Variants in KCNQ1 observed in about 807,000 individuals in gnomAD.
KCNQ1 encodes potassium voltage-gated channel subfamily Q member 1.
KCNQ1 carries 49 observed loss-of-function variants against 72.4 expected under a neutral mutation model. The observed-to-expected ratio is 0.68, with a 90% CI of 0.54 to 0.86. The LOEUF is 0.86. Ranked by LOEUF, KCNQ1 falls within the 40% of genes least tolerant of loss-of-function variation. The pLI, the probability that KCNQ1 is intolerant of heterozygous loss-of-function variation, is 0.00. For missense variants in KCNQ1, 790 were observed against 945.1 expected (o/e 0.84, Z 2.15); for synonymous variants, 450 against 412.6 (o/e 1.09, Z -1.10).
rs1038289772 is a variant in KCNQ1, at chr11:2,563,208, A to C, written c.478-7420A>C. ...CCCCAGAAAATCTTCGCTATGTTGGAGATTCGCCGGCTGATAAAAGCAAAA... is the reference window on the plus strand; with the variant it reads ...CCCCAGAAAATCTTCGCTATGTTGGCGATTCGCCGGCTGATAAAAGCAAAA... On this transcript the variant is annotated intron_variant, in intron 2 of 15. Transcript: ENST00000155840. The surrounding 1 kb of genome is among the most constrained non-coding windows in gnomAD (Gnocchi z 7.4). Among the ~76,000 whole-genome samples, 14 of 152,158 alleles carry C rather than the reference A, an allele frequency of 9.2e-5. No homozygotes were observed. The highest frequency in any genetic ancestry group is 3.4e-4 in the African/African-American group (14 of 41,432).
Position 2,597,451 on chromosome 11 carries a change from C to T in KCNQ1, c.1393+8597C>T, listed in dbSNP as rs141798083. Among the ~76,000 whole-genome samples the T allele has an allele frequency of 9.2e-5, 14 of 152,194 alleles. No homozygotes were observed. The East Asian group carries it at 2.5e-3, about 27-fold the overall frequency. ...CATACCCATCAGTGGAGGTCTGCTT[C>T]AAGTATCATATCTCCGTTAAACAGC... On this transcript the variant is annotated intron_variant, in intron 10 of 15. Coordinates refer to ENST00000155840, the MANE Select transcript of KCNQ1 (RefSeq NM_000218.3).
rs1476394699 is a variant in KCNQ1, at chr11:2,543,148, A to G, written c.477+15130A>G. On this transcript the variant is annotated intron_variant, in intron 2 of 15. Coordinates refer to ENST00000155840, the MANE Select transcript of KCNQ1 (RefSeq NM_000218.3). This position sits in a 1 kb window ranked among gnomAD's most constrained non-coding sequence, Gnocchi z 5.6. ...GGTGACATATCTTTTTAAATGTTTC[A>G]CCCATTGTAAAATTGGGCTGTTTGT... is the stretch of plus-strand genomic sequence containing the variant. Among the ~76,000 whole-genome samples, 1 of 152,104 alleles carries G rather than the reference A, an allele frequency of 6.6e-6. No individual in the cohort carries two copies. The highest frequency in any genetic ancestry group is 1.5e-5 in the Non-Finnish European group (1 of 68,012).
chr11:2,464,027 T>C lies in KCNQ1; in HGVS notation c.386+18543T>C, dbSNP rs368585268. Among the ~76,000 whole-genome samples, 7 of 152,250 alleles carry C rather than the reference T, an allele frequency of 4.6e-5. No individual in the cohort carries two copies. The highest frequency in any genetic ancestry group is 1.7e-4 in the African/African-American group (7 of 41,550). ...GCCCTGACTCTGCAGAGCAGGACTG[T>C]GGAAAATGGACACTGATGCTGCCCG... On this transcript the variant is annotated intron_variant, in intron 1 of 15. Coordinates refer to ENST00000155840, the MANE Select transcript of KCNQ1 (RefSeq NM_000218.3). The surrounding 1 kb of genome is among the most constrained non-coding windows in gnomAD (Gnocchi z 5.0).
rs1392715429 is a variant in KCNQ1 at position 2,543,861 on chromosome 11, T to G, written c.477+15843T>G. Among the ~76,000 whole-genome samples the G allele has an allele frequency of 6.6e-6, 1 of 152,230 alleles. No individual in the cohort carries two copies. Among genetic ancestry groups the G allele is most frequent in the Non-Finnish European group, 1.5e-5 (1 of 68,044 alleles). On this transcript the variant is annotated intron_variant, in intron 2 of 15. Transcript: ENST00000155840. This position sits in a 1 kb window ranked among gnomAD's most constrained non-coding sequence, Gnocchi z 5.6. ...GTGTCATTTGTTGAAAAGAGTATCC[T>G]TTACCCAGTGAATCATCTTGACTCC...
chr11:2,691,864 C>T lies in KCNQ1; in HGVS notation c.1514+29783C>T. ...ATGACCCCTAGGTCCTCTTTTCCATCCCTCCAGTTCTCCTGGCTTTCTTGC... is the reference window on the plus strand; with the variant it reads ...ATGACCCCTAGGTCCTCTTTTCCATTCCTCCAGTTCTCCTGGCTTTCTTGC... On this transcript the variant is annotated intron_variant, in intron 11 of 15. Transcript: ENST00000155840. This position sits in a 1 kb window ranked among gnomAD's most constrained non-coding sequence, Gnocchi z 6.4. 1 of 398,734 alleles carries T rather than the reference C, an allele frequency of 2.5e-6. No homozygotes were observed. Among genetic ancestry groups the T allele is most frequent in the East Asian group, 3.6e-5 (1 of 28,084 alleles). 24.7% of individuals were successfully genotyped at this position (398,734 alleles called of 1,614,324 possible).
In KCNQ1 at chr11:2,712,614, G is replaced by T. The variant is rs1302643346; in HGVS notation, c.1514+50533G>T. 6.6e-6 allele frequency among the ~76,000 whole-genome samples: 1 copy of T among 152,170 alleles called. No individual in the cohort carries two copies. ...CTTAGGTGGTTTGAGGAGACTTAGG[G>T]GCTTCCATATTCCCCTTGGAACATG... is the stretch of plus-strand genomic sequence containing the variant. On this transcript the variant is annotated intron_variant, in intron 11 of 15. Transcript: ENST00000155840. This position sits in a 1 kb window ranked among gnomAD's most constrained non-coding sequence, Gnocchi z 6.4.
rs924927526 is a variant in KCNQ1 at position 2,492,737 on chromosome 11, T to C, written c.387-35191T>C. On this transcript the variant is annotated intron_variant, in intron 1 of 15. Coordinates refer to ENST00000155840, the MANE Select transcript of KCNQ1 (RefSeq NM_000218.3). This position sits in a 1 kb window ranked among gnomAD's most constrained non-coding sequence, Gnocchi z 4.1. Reference sequence around the variant, plus strand: ...CATGGTGTATATGTGCCACATTTTCTTTATCCAGCCTATCATTGATGGGCA... The same window carrying C: ...CATGGTGTATATGTGCCACATTTTCCTTATCCAGCCTATCATTGATGGGCA... Among the ~76,000 whole-genome samples, 2 of 152,222 alleles carry C rather than the reference T, an allele frequency of 1.3e-5. No individual in the cohort carries two copies. Among genetic ancestry groups the C allele is most frequent in the Non-Finnish European group, 2.9e-5 (2 of 68,042 alleles).
intron 10 of KCNQ1, chr11:2,609,813 C>T (rs527494912): frequency 7.5e-6 from 3 of 397,906 alleles, no homozygotes; most frequent in Non-Finnish European, 1.3e-5. Flanking sequence ...TTAAAATCTC[C>T]TTTGACTTTA....
At chr11:2,694,159 G>T (rs1423858708) in intron 11 of KCNQ1, 1 of 398,572 alleles carries the variant, frequency 2.5e-6, no homozygotes, top group Non-Finnish European at 4.4e-6. Flanking sequence ...CAGGGAAGAG[G>T]GTACTCTGAT....
intron 11 of KCNQ1, among the ~76,000 whole-genome samples, chr11:2,717,130 A>G (rs771742280): frequency 1.3e-5 from 2 of 152,138 alleles, no homozygotes; most frequent in Admixed American, 1.3e-4. Flanking sequence ...AGACAACCCA[A>G]GTCTTCCTTC....
chr11:2,445,589 G>C, intron 1 of KCNQ1, 105 bp downstream of exon 1: 2 of 1,311,790 alleles, frequency 1.5e-6, no homozygotes, highest in Non-Finnish European at 2.1e-6. Context: ...TGCGACCCCG[G>C]AGCAGAGGAG....
intron 15 of KCNQ1, among the ~76,000 whole-genome samples, chr11:2,847,450 GCC>G (rs1298840813): frequency 6.6e-6 from 1 of 152,238 alleles, no homozygotes; most frequent in Non-Finnish European, 1.5e-5. Context: ...CAGAAGGCCG[GCC>G]AGCCTGGGGA....
chr11:2,571,876 T>C (rs773654671), intron 4 of KCNQ1, 137 bp from the exon 5 acceptor site: 9 of 716,574 alleles, frequency 1.3e-5, no homozygotes, highest in Admixed American at 2.1e-5. Context: ...GATGGACATA[T>C]ACCCAGCCTC....
intron 1 of KCNQ1, among the ~76,000 whole-genome samples, chr11:2,511,590 C>G (rs2133616382): frequency 6.6e-6 from 1 of 152,350 alleles, no homozygotes; most frequent in African/African-American, 2.4e-5. Context: ...CCTGCCAGAG[C>G]TGGGCTCCTG....
intron 7 of KCNQ1, among the ~76,000 whole-genome samples, chr11:2,584,391 G>A (rs1002554488): frequency 2.6e-5 from 4 of 151,128 alleles, no homozygotes; most frequent in Admixed American, 1.3e-4. Context: ...GTGTGTTAGT[G>A]TGTGGGTTTG....
chr11:2,460,173 C>T (rs1846253939), intron 1 of KCNQ1, among the ~76,000 whole-genome samples: 1 of 152,196 alleles, frequency 6.6e-6, no homozygotes, highest in African/African-American at 2.4e-5. Flanking sequence ...CCCTACCAGC[C>T]TGTGGCCCAG....
intron 1 of KCNQ1, among the ~76,000 whole-genome samples, chr11:2,448,320 C>G (rs1846074660): frequency 2.6e-5 from 4 of 152,234 alleles, no homozygotes; most frequent in Admixed American, 1.3e-4. Context: ...GTTCCCCGCT[C>G]CTACAGCCTT....
intron 12 of KCNQ1, among the ~76,000 whole-genome samples, chr11:2,770,753 C>T (rs1182492560): frequency 1.3e-5 from 2 of 152,248 alleles, no homozygotes; most frequent in Admixed American, 1.3e-4. Flanking sequence ...AGGGTGTCTC[C>T]ATTCTGGGAC....
rs1422872030 is a variant in KCNQ1 at position 2,617,804 on chromosome 11, A to G, written c.1393+28950A>G. Reference sequence around the variant, plus strand: ...GATTAGTGATGTTAAATGTCTTTTCATATATGTGTTTGCCATTTTTATAAC... The same window carrying G: ...GATTAGTGATGTTAAATGTCTTTTCGTATATGTGTTTGCCATTTTTATAAC... On this transcript the variant is annotated intron_variant, in intron 10 of 15. Coordinates refer to ENST00000155840, the MANE Select transcript of KCNQ1 (RefSeq NM_000218.3). This position sits in a 1 kb window ranked among gnomAD's most constrained non-coding sequence, Gnocchi z 4.6. 2.5e-6 allele frequency: 1 copy of G among 398,376 alleles called. No homozygotes were observed. The highest frequency in any genetic ancestry group is 2.1e-5 in the African/African-American group (1 of 48,602). The allele number at this position is 398,376 out of a possible 1,614,324, so 24.7% of individuals were successfully genotyped here.
Sources: gnomAD v4.1 joint callset for allele counts (sites outside exome capture counted in the v4.1 genomes callset) on GRCh38, gnomAD v4.1.1 for gene constraint, Gnocchi (gnomAD v3.1) non-coding constraint, MANE v1.5 for transcripts, NCBI Gene and HGNC (gene_info 2026-07-23, HGNC 2026-07-21) for gene names.